Variants in RB1CC1 observed in about 807,000 individuals in gnomAD.
The protein encoded by RB1CC1 is RB1-inducible coiled-coil protein 1.
A neutral mutation model predicts 177.5 loss-of-function variants in RB1CC1; 46 were observed. The ratio of observed to expected loss-of-function variants is 0.26; its 90% CI spans 0.20 to 0.33. The LOEUF (loss-of-function observed/expected upper bound fraction) is 0.33, where lower values mean the gene tolerates loss of function less well. Among genes scored for constraint, RB1CC1 ranks in the 10% least tolerant of loss-of-function variants. The pLI is 1.00. For missense variants in RB1CC1, 1,703 were observed against 1,816.3 expected, an observed-to-expected ratio of 0.94 and a Z score of 1.13; for synonymous variants, 666 against 613.6, an observed-to-expected ratio of 1.09 and a Z score of -1.26.
intron 1 of RB1CC1, among the ~76,000 whole-genome samples, chr8:52,707,071 T>C (rs532312611): frequency 6.6e-6 from 1 of 152,342 alleles, no homozygotes; most frequent in South Asian, 2.1e-4. Context: ...CTGAACTGAC[T>C]TCACCTAACA....
At chr8:52,683,812 T>TA in intron 4 of RB1CC1, 75 bp downstream of exon 4, 2 of 1,581,518 alleles carry the variant, frequency 1.3e-6, no homozygotes, top group Non-Finnish European at 1.7e-6. Context: ...AAATAAACCT[T>TA]ACTTTTGAAC....
chr8:52,664,706 CA>C (rs1851922437), intron 8 of RB1CC1, among the ~76,000 whole-genome samples: 1 of 152,056 alleles, frequency 6.6e-6, no homozygotes, highest in Non-Finnish European at 1.5e-5. Context: ...ATTTAGAAAG[CA>C]AACAAGAAAA....
At position 52,657,826 on chromosome 8, in the gene RB1CC1, G is replaced by A. The variant is rs764431871; in HGVS notation, c.2003C>T (p.Pro668Leu). ...AACAGTCAGTGGTGGAGGAGTTCTC[G>A]GTGAGGTAGTAGTTGTAATTCCTGC... ...STAGITTTTS[P>L]RTPPPLTVQD... The change falls in exon 15 of 24, where the codon CCG becomes CTG. Residue 668 changes from proline to leucine, a missense_variant. This residue lies in a region of RB1CC1 where 1,169 missense variants were observed against 1,184.7 expected (regional missense o/e 0.99). Transcript: ENST00000025008. 43 of 1,614,010 alleles carry A rather than the reference G, an allele frequency of 2.7e-5. No individual in the cohort carries two copies. The highest frequency in any genetic ancestry group is 1.6e-4 in the South Asian group (15 of 91,062).
chr8:52,714,172 C>T lies in RB1CC1; in HGVS notation c.-264G>A, dbSNP rs1043826446. The T allele has an allele frequency of 3.9e-6, 1 of 254,552 alleles. No individual in the cohort carries two copies. Among genetic ancestry groups the T allele is most frequent in the Non-Finnish European group, 8.1e-6 (1 of 123,874 alleles). 15.8% of individuals were successfully genotyped at this position (254,552 alleles called of 1,614,324 possible). A position where few individuals can be genotyped will look rare whatever the true frequency, so the allele number is the denominator to read the frequency against. On this transcript the variant is annotated 5_prime_UTR_variant, in exon 1 of 24. Coordinates refer to ENST00000025008, the MANE Select transcript of RB1CC1 (RefSeq NM_014781.5). ...CTAGTCCTCGGCAGCGGTTACCAAC[C>T]GCCCATTCGGCACCGCTAAGCCGAC...
Position 52,628,153 on chromosome 8 carries a change from A to G in RB1CC1, c.4515T>C (p.Asp1505=), listed in dbSNP as rs1397496347. 1.2e-6 allele frequency: 2 copies of G among 1,608,562 alleles called. No homozygotes were observed. Among genetic ancestry groups the G allele is most frequent in the African/African-American group, 1.3e-5 (1 of 74,658 alleles). ...KIAIRDFQVG[D]LVLIILDERH... is the part of the protein sequence containing the mutation. ...GTTCGTCTAGGATGATGAGTACCAA[A>G]TCTCCCACCTGAAAACTGAATAAAG... is the stretch of plus-strand genomic sequence containing the variant. Residue 1505 remains aspartate, a synonymous_variant, in exon 22 of 24, where the codon GAT becomes GAC. Transcript: ENST00000025008.
intron 1 of RB1CC1, among the ~76,000 whole-genome samples, chr8:52,696,096 G>A (rs1282916537): frequency 6.6e-6 from 1 of 152,182 alleles, no homozygotes; most frequent in Non-Finnish European, 1.5e-5. Flanking sequence ...CCAGACTGGA[G>A]TGCAATGGCA....
intron 1 of RB1CC1, among the ~76,000 whole-genome samples, chr8:52,711,774 A>G: frequency 6.6e-6 from 1 of 152,194 alleles, no homozygotes; most frequent in South Asian, 2.1e-4. Context: ...ACAATCTACC[A>G]TTACTATCGC....
intron 5 of RB1CC1, among the ~76,000 whole-genome samples, chr8:52,682,332 GGAACTGTTAA>G (rs1307696176): frequency 7.9e-5 from 12 of 152,260 alleles, no homozygotes; most frequent in Non-Finnish European, 1.5e-4. Context: ...TCAGCCACGA[GGAACTGTTAA>G]GTCCAATTAA....
At chr8:52,644,154 T>C (rs1849806115) in intron 16 of RB1CC1, among the ~76,000 whole-genome samples, 1 of 152,140 alleles carries the variant, frequency 6.6e-6, no homozygotes, top group South Asian at 2.1e-4. Context: ...AATTTGTAAT[T>C]GGCATATGAA....
intron 15 of RB1CC1, among the ~76,000 whole-genome samples, chr8:52,652,801 T>C (rs1850729159): frequency 6.6e-6 from 1 of 152,200 alleles, no homozygotes; most frequent in African/African-American, 2.4e-5. Flanking sequence ...CTCATGCCTA[T>C]AATCCCAGCA....
chr8:52,654,609 G>C (rs1303994968), intron 15 of RB1CC1, among the ~76,000 whole-genome samples: 2 of 152,072 alleles, frequency 1.3e-5, no homozygotes, highest in African/African-American at 4.8e-5. Flanking sequence ...ATTTCACTTT[G>C]AGCTTGAAAA....
At position 52,624,769 on chromosome 8, in the gene RB1CC1, C is replaced by T; in HGVS notation, c.4655G>A (p.Arg1552Lys). 1 of 1,579,160 alleles carries T rather than the reference C, an allele frequency of 6.3e-7. No homozygotes were observed. The highest frequency in any genetic ancestry group is 2.3e-5 in the East Asian group (1 of 43,952). Reference protein sequence around the residue: ...PGEGASGASRRPWVLGKVMEK... With the variant: ...PGEGASGASRKPWVLGKVMEK... ...CATTACTTTTCCAAGTACCCAGGGT[C>T]TTCTAGATGCACCTGAAGCTAATGA... The change falls in exon 23 of 24, where the codon AGA (arginine) becomes AAA (lysine). Residue 1552 changes from arginine (R) to lysine (K), a missense_variant. By Grantham distance (26) the Arg-to-Lys change is conservative. Transcript: ENST00000025008.
chr8:52,627,939 A>T, intron 22 of RB1CC1, 93 bp downstream of exon 22: 1 of 1,162,482 alleles, frequency 8.6e-7, no homozygotes, highest in Non-Finnish European at 1.2e-6. Context: ...TTAGTGACTT[A>T]ATTCTTATGT....
chr8:52,698,669 G>GTTTTTTTTTTTTTTTTTTT lies in RB1CC1; in HGVS notation c.-166-11703_-166-11702insAAAAAAAAAAAAAAAAAAA, dbSNP rs1855693493. Among the ~76,000 whole-genome samples, 8 of 22,770 alleles carry GTTTTTTTTTTTTTTTTTTT rather than the reference G, an allele frequency of 3.5e-4. 4 individuals carry two copies. Among genetic ancestry groups the GTTTTTTTTTTTTTTTTTTT allele is most frequent in the African/African-American group, 8.2e-4 (6 of 7,330 alleles). 14.9% of individuals were successfully genotyped at this position (22,770 alleles called of 152,430 possible). ...AACAAAAACTGTATATGTAATGGTT[G>GTTTTTTTTTTTTTTTTTTT]GTTTTTTTTTTTTTTTTTTTTTTTT... On this transcript the variant is annotated intron_variant, in intron 1 of 23. Coordinates refer to ENST00000025008, the MANE Select transcript of RB1CC1 (RefSeq NM_014781.5).
intron 1 of RB1CC1, among the ~76,000 whole-genome samples, chr8:52,701,964 C>G (rs936808235): frequency 1.3e-5 from 2 of 152,028 alleles, no homozygotes; most frequent in Non-Finnish European, 2.9e-5. Flanking sequence ...CCTGCCACCA[C>G]GTCCAGCTCA....
intron 7 of RB1CC1, among the ~76,000 whole-genome samples, chr8:52,671,887 T>A (rs909031739): frequency 2.0e-5 from 3 of 152,136 alleles, no homozygotes; most frequent in Non-Finnish European, 4.4e-5. Flanking sequence ...AATGGGCATA[T>A]ACAACTAATG....
At chr8:52,673,068 T>C (rs1212973528) in intron 7 of RB1CC1, among the ~76,000 whole-genome samples, 1 of 152,238 alleles carries the variant, frequency 6.6e-6, no homozygotes, top group East Asian at 1.9e-4. Context: ...TATTCTTTTT[T>C]AGGCATCCCA....
intron 1 of RB1CC1, among the ~76,000 whole-genome samples, chr8:52,697,297 A>T (rs1462183053): frequency 1.6e-5 from 2 of 121,998 alleles, no homozygotes; most frequent in East Asian, 4.4e-4. Context: ...ATGGTTACTA[A>T]AAAAAAAAAA....
Position 52,656,102 on chromosome 8 carries a change from G to C in RB1CC1, c.3727C>G (p.Gln1243Glu). ...AATTTAAATTCTTTTAGGGCAGTCT[G>C]AATAGCTTCATCTTTTTCACAATTA... ...KLNCEKDEAI[Q>E]TALKEFKLER... Residue 1243 changes from glutamine to glutamate, a missense_variant, in exon 15 of 24, where the codon CAG becomes GAG. Physicochemically the swap from Gln to Glu is conservative, Grantham distance 29. Transcript: ENST00000025008. 1 of 1,613,590 alleles carries C rather than the reference G, an allele frequency of 6.2e-7. No individual in the cohort carries two copies. Among genetic ancestry groups the C allele is most frequent in the African/African-American group, 1.3e-5 (1 of 75,018 alleles).
Sources: gnomAD v4.1 joint callset for allele counts (sites outside exome capture counted in the v4.1 genomes callset) on GRCh38, gnomAD v4.1.1 for gene constraint, gnomAD v4.1.1 regional missense constraint, MANE v1.5 for transcripts, NCBI Gene and HGNC (gene_info 2026-07-23, HGNC 2026-07-21) for gene names.